Variants in VPS35L observed in about 807,000 individuals in gnomAD.
VPS35L encodes the protein VPS35 endosomal protein sorting factor like.
A neutral mutation model predicts 133.0 loss-of-function variants in VPS35L; 83 were observed. The ratio of observed to expected loss-of-function variants is 0.62; its 90% confidence interval spans 0.52 to 0.75. The LOEUF (loss-of-function observed/expected upper bound fraction) is 0.75. Among genes scored for constraint, VPS35L ranks in the 30% least tolerant of loss-of-function variants. The pLI, the probability that VPS35L is intolerant of heterozygous loss-of-function variation, is 0.00. For missense variants in VPS35L, 1,083 were observed against 1,206.8 expected, an observed-to-expected ratio of 0.90 and a Z score of 1.52; for synonymous variants, 423 against 449.9, an observed-to-expected ratio of 0.94 and a Z score of 0.76.
intron 15 of VPS35L, among the ~76,000 whole-genome samples, chr16:19,626,777 A>T (rs987146020): frequency 6.6e-6 from 1 of 152,098 alleles, no homozygotes; most frequent in East Asian, 1.9e-4. Context: ...CAAAAGAAAA[A>T]AAGTAATAAT....
intron 29 of VPS35L, among the ~76,000 whole-genome samples, chr16:19,695,308 C>T (rs2151630102): frequency 6.6e-6 from 1 of 152,274 alleles, no homozygotes; most frequent in South Asian, 2.1e-4. Flanking sequence ...GCCCAGAAGT[C>T]CCAAGCTTGC....
chr16:19,590,076 C>CA (rs1169356097), intron 7 of VPS35L, among the ~76,000 whole-genome samples: 1 of 149,384 alleles, frequency 6.7e-6, no homozygotes, highest in Non-Finnish European at 1.5e-5. Flanking sequence ...TGGAATTCCA[C>CA]ATACATCCAG....
intron 8 of VPS35L, among the ~76,000 whole-genome samples, chr16:19,593,070 C>T (rs369805727): frequency 1.3e-5 from 2 of 152,308 alleles, no homozygotes; most frequent in East Asian, 1.9e-4. Flanking sequence ...TAGTCCCACA[C>T]ACCACCTCAC....
intron 4 of VPS35L, among the ~76,000 whole-genome samples, chr16:19,573,665 T>C (rs1971450209): frequency 6.6e-6 from 1 of 151,940 alleles, no homozygotes; most frequent in Non-Finnish European, 1.5e-5. Flanking sequence ...CTAAAAAAAT[T>C]AGCCAGGCGT....
At position 19,639,197 on chromosome 16, in the gene VPS35L, C is replaced by T. The variant is rs374683299; in HGVS notation, c.1699-818C>T. On this transcript the variant is annotated intron_variant, in intron 20 of 30. Transcript: ENST00000417362. This position sits in a 1 kb window ranked among gnomAD's most constrained non-coding sequence, Gnocchi z 4.1. ...TAACTGACACTATGGAAAGCAAAAC[C>T]GCAGATAAGGGAGCAACTACCATAT... 4.6e-5 allele frequency among the ~76,000 whole-genome samples: 7 copies of T among 152,240 alleles called. No homozygotes were observed. In the East Asian group the frequency reaches 9.6e-4, roughly 21 times the overall value.
rs191304268 is a variant in VPS35L at position 19,620,843 on chromosome 16, C to T, written c.1224+4035C>T. On this transcript the variant is annotated intron_variant, in intron 14 of 30. Transcript: ENST00000417362. The stretch of plus-strand genomic sequence containing the variant: ...GCATGCGCCTGTAATCCCAGCTACT[C>T]GGGAGGCTGAGGCAGGGGGATTACT... 3.7e-4 allele frequency among the ~76,000 whole-genome samples: 57 copies of T among 152,074 alleles called. No individual in the cohort carries two copies. The East Asian group carries it at 9.9e-3, about 26-fold the overall frequency.
At chr16:19,691,564 T>C in intron 29 of VPS35L, 93 bp downstream of exon 29, 1 of 950,990 alleles carries the variant, frequency 1.1e-6, no homozygotes, top group South Asian at 1.4e-5. Flanking sequence ...GAAAGGAAAC[T>C]ATGTCATGTG....
chr16:19,566,898 C>T (rs575786449), intron 2 of VPS35L, among the ~76,000 whole-genome samples: 3 of 152,178 alleles, frequency 2.0e-5, no homozygotes, highest in South Asian at 2.1e-4. Flanking sequence ...TACAGGCGCC[C>T]GCCACCATGC....
chr16:19,612,386 T>C (rs764337995), intron 12 of VPS35L, among the ~76,000 whole-genome samples: 1 of 152,140 alleles, frequency 6.6e-6, no homozygotes, highest in Non-Finnish European at 1.5e-5. Flanking sequence ...CCGGAGTAGC[T>C]GGGATTACAG....
intron 1 of VPS35L, among the ~76,000 whole-genome samples, chr16:19,564,106 T>C (rs909341616): frequency 6.6e-6 from 1 of 152,020 alleles, no homozygotes; most frequent in Non-Finnish European, 1.5e-5. Context: ...TGAGACAGAG[T>C]CTCACTCTGT....
chr16:19,555,837 G>A (rs1970834949), intron 1 of VPS35L, 91 bp downstream of exon 1: 1 of 1,491,700 alleles, frequency 6.7e-7, no homozygotes, highest in East Asian at 2.3e-5. Context: ...ATTCCTCTCT[G>A]TCGGGTTCTG....
At chr16:19,582,384 G>GTTA (rs1211747913) in intron 7 of VPS35L, among the ~76,000 whole-genome samples, 1 of 152,186 alleles carries the variant, frequency 6.6e-6, no homozygotes, top group African/African-American at 2.4e-5. Flanking sequence ...CTCATTCCAT[G>GTTA]TTATGATAAT....
intron 7 of VPS35L, among the ~76,000 whole-genome samples, chr16:19,582,969 ACCAG>A (rs1197374165): frequency 1.3e-5 from 2 of 152,010 alleles, no homozygotes; most frequent in Non-Finnish European, 2.9e-5. Context: ...GGAGTTTGAG[ACCAG>A]CCTGGCCAAC....
At chr16:19,625,110 G>T (rs961059946) in intron 14 of VPS35L, among the ~76,000 whole-genome samples, 1 of 152,130 alleles carries the variant, frequency 6.6e-6, no homozygotes, top group African/African-American at 2.4e-5. Flanking sequence ...GCGGAGGCGG[G>T]GAAAATAGAC....
chr16:19,669,716 G>A (rs1057025698), intron 27 of VPS35L, among the ~76,000 whole-genome samples: 1 of 151,436 alleles, frequency 6.6e-6, no homozygotes, highest in African/African-American at 2.4e-5. Flanking sequence ...TGTTGCCCAG[G>A]CTGTAGTGCA....
chr16:19,700,327 C>T (rs767572621), intron 30 of VPS35L, 51 bp from the exon 31 acceptor site: 1 of 1,483,142 alleles, frequency 6.7e-7, no homozygotes, highest in Non-Finnish European at 9.4e-7. Context: ...GAGCCTTGGG[C>T]TCCAAGGATA....
chr16:19,654,100 C>A (rs540402465), intron 26 of VPS35L, among the ~76,000 whole-genome samples: 109 of 152,170 alleles, frequency 7.2e-4, no homozygotes, highest in Admixed American at 1.8e-3. Context: ...GGCTTTTTTC[C>A]CTCTTTCTAC....
chr16:19,622,150 T>TTTTTTTTTC (rs1567431304), intron 14 of VPS35L, among the ~76,000 whole-genome samples: 1 of 132,330 alleles, frequency 7.6e-6, no homozygotes, highest in Non-Finnish European at 1.5e-5. Flanking sequence ...CTTTTTTTTT[T>TTTTTTTTTC]TTTTTTTTTT....
At chr16:19,645,962 T>C (rs1973934386) in intron 23 of VPS35L, among the ~76,000 whole-genome samples, 1 of 151,484 alleles carries the variant, frequency 6.6e-6, no homozygotes, top group Non-Finnish European at 1.5e-5. Context: ...AGGGCTTTTT[T>C]TTGCTGTTTT....
Sources: gnomAD v4.1 joint callset for allele counts (sites outside exome capture counted in the v4.1 genomes callset) on GRCh38, gnomAD v4.1.1 for gene constraint, Gnocchi (gnomAD v3.1) non-coding constraint, MANE v1.5 for transcripts, NCBI Gene and HGNC (gene_info 2026-07-23, HGNC 2026-07-21) for gene names.